ERC2: variants seen among roughly 807,000 people sequenced by gnomAD.
ERC2 encodes ERC protein 2.
A neutral mutation model predicts 114.8 loss-of-function variants in ERC2; 42 were observed. The observed-to-expected ratio is 0.37, with a 90% CI of 0.29 to 0.47. ERC2 has a LOEUF of 0.47. Ranked by LOEUF, ERC2 falls within the 20% of genes least tolerant of loss-of-function variation. The pLI is 0.99. For synonymous variants in ERC2, 454 were observed against 425.5 expected (o/e 1.07, Z -0.82); for missense variants, 939 against 1,150.7 (o/e 0.82, Z 2.66).
intron 3 of ERC2, among the ~76,000 whole-genome samples, chr3:56,177,932 T>C (rs1422915006): frequency 6.6e-6 from 1 of 152,168 alleles, no homozygotes; most frequent in Non-Finnish European, 1.5e-5. Context: ...GGGAAGAAAA[T>C]TGGTGGCATC....
At chr3:56,357,614 T>C (rs767947005) in intron 2 of ERC2, among the ~76,000 whole-genome samples, 1 of 151,886 alleles carries the variant, frequency 6.6e-6, no homozygotes, top group African/African-American at 2.4e-5. Flanking sequence ...GCTTCTGACG[T>C]GGGTCTCACA....
chr3:55,628,302 G>A (rs2059606522), intron 17 of ERC2, among the ~76,000 whole-genome samples: 1 of 152,220 alleles, frequency 6.6e-6, no homozygotes, highest in Non-Finnish European at 1.5e-5. Context: ...AGCTCAGTGT[G>A]GCTGTTGAGC....
chr3:55,874,746 A>G (rs2062744710), intron 14 of ERC2, among the ~76,000 whole-genome samples: 1 of 152,036 alleles, frequency 6.6e-6, no homozygotes, highest in Non-Finnish European at 1.5e-5. Flanking sequence ...GGGTTAATGA[A>G]AGAAATGAGA....
At position 55,699,504 on chromosome 3, in the gene ERC2, G is replaced by T; in HGVS notation, c.2721C>A (p.Asn907Lys). ...AGTTGTCTGCCATCAACTTCATTCT[G>T]TTCTGGGTCTGTGCAGAACAAAAAC... ...LVHQLKQQTQ[N>K]RMKLMADNYD... The change falls in exon 16 of 18, where the codon AAC becomes AAA. Residue 907 changes from asparagine (N) to lysine (K), a missense_variant. This residue lies in a region of ERC2 where 328 missense variants were observed against 353.9 expected (regional missense o/e 0.93). Transcript: ENST00000288221. 1.2e-6 allele frequency: 2 copies of T among 1,611,904 alleles called. No homozygotes were observed. Among genetic ancestry groups the T allele is most frequent in the Non-Finnish European group, 1.7e-6 (2 of 1,178,390 alleles).
At chr3:56,233,984 C>T (rs1421853977) in intron 3 of ERC2, among the ~76,000 whole-genome samples, 4 of 152,176 alleles carry the variant, frequency 2.6e-5, no homozygotes, top group African/African-American at 9.7e-5. Context: ...AATTAAACCA[C>T]ACCCACAAGA....
intron 14 of ERC2, among the ~76,000 whole-genome samples, chr3:55,880,927 T>C (rs1481608175): frequency 6.6e-6 from 1 of 152,086 alleles, no homozygotes; most frequent in East Asian, 1.9e-4. Flanking sequence ...GGGTTAAAAA[T>C]CACTTTCTCA....
At chr3:55,935,515 G>T (rs781280166) in intron 13 of ERC2, among the ~76,000 whole-genome samples, 6 of 152,142 alleles carry the variant, frequency 3.9e-5, no homozygotes, top group Non-Finnish European at 7.4e-5. Flanking sequence ...ACAAACTCTT[G>T]GCTAGTGAGA....
intron 14 of ERC2, among the ~76,000 whole-genome samples, chr3:55,883,907 CA>C (rs2063237519): frequency 6.6e-6 from 1 of 151,732 alleles, no homozygotes; most frequent in African/African-American, 2.4e-5. Context: ...ACAACAACAA[CA>C]ACAACAACAA....
intron 14 of ERC2, among the ~76,000 whole-genome samples, chr3:55,812,400 AAAG>A (rs1361498121): frequency 6.6e-6 from 1 of 152,254 alleles, no homozygotes; most frequent in African/African-American, 2.4e-5. Flanking sequence ...GTGATACTCA[AAAG>A]AATACATAAT....
At chr3:56,199,606 C>T (rs1391469301) in intron 3 of ERC2, among the ~76,000 whole-genome samples, 2 of 152,072 alleles carry the variant, frequency 1.3e-5, no homozygotes, top group Non-Finnish European at 1.5e-5. Flanking sequence ...CTCCTGGGCT[C>T]AAGTGATCCT....
At chr3:55,998,230 CTCTCTCTCTT>C (rs1215037032) in intron 10 of ERC2, among the ~76,000 whole-genome samples, 1 of 151,642 alleles carries the variant, frequency 6.6e-6, no homozygotes, top group Non-Finnish European at 1.5e-5. Flanking sequence ...ATTCTTATGT[CTCTCTCTCTT>C]TCTCTCTCTC....
At chr3:56,160,864 T>C (rs771954437) in intron 4 of ERC2, among the ~76,000 whole-genome samples, 5 of 152,232 alleles carry the variant, frequency 3.3e-5, no homozygotes, top group Non-Finnish European at 7.3e-5. Flanking sequence ...AATACTATGC[T>C]GTTTTGTTTA....
chr3:55,808,723 ATATATATATATATATAT>A (rs2059591271), intron 14 of ERC2, among the ~76,000 whole-genome samples: 2 of 125,436 alleles, frequency 1.6e-5, no homozygotes, highest in Non-Finnish European at 3.2e-5. Context: ...ATATATATAT[ATATATATATATATATAT>A]ATAACGTATA....
At chr3:56,455,267 GA>G (rs200035276) in intron 1 of ERC2, among the ~76,000 whole-genome samples, 7 of 149,718 alleles carry the variant, frequency 4.7e-5, no homozygotes, top group Non-Finnish European at 8.9e-5. Context: ...AAAAAGAAAA[GA>G]AAAAAAAACA....
intron 17 of ERC2, among the ~76,000 whole-genome samples, chr3:55,655,626 C>G (rs374118731): frequency 1.8e-4 from 28 of 152,308 alleles, no homozygotes; most frequent in African/African-American, 5.8e-4. Flanking sequence ...ATTGACATTT[C>G]CAGACTGGAC....
intron 14 of ERC2, among the ~76,000 whole-genome samples, chr3:55,807,651 C>T (rs895161690): frequency 3.3e-5 from 5 of 152,120 alleles, no homozygotes; most frequent in African/African-American, 4.8e-5. Context: ...TTTTCTAATC[C>T]ATCTGCTCGA....
At chr3:55,945,015 C>A (rs1164216080) in intron 13 of ERC2, among the ~76,000 whole-genome samples, 1 of 152,198 alleles carries the variant, frequency 6.6e-6, no homozygotes, top group Non-Finnish European at 1.5e-5. Flanking sequence ...CTTAATGGAA[C>A]TTCCCAATCT....
At chr3:56,026,280 C>T (rs1430286457) in intron 7 of ERC2, among the ~76,000 whole-genome samples, 1 of 151,958 alleles carries the variant, frequency 6.6e-6, no homozygotes, top group Non-Finnish European at 1.5e-5. Flanking sequence ...AAACTCCTGA[C>T]TCCAAGTGAT....
chr3:56,355,591 G>A (rs73090547), intron 2 of ERC2, among the ~76,000 whole-genome samples: 5,198 of 152,102 alleles, frequency 0.034, 194 homozygotes, highest in African/African-American at 0.084. Flanking sequence ...GGATTACAGC[G>A]TGCGCCACGA....
Sources: gnomAD v4.1 joint callset for allele counts (sites outside exome capture counted in the v4.1 genomes callset) on GRCh38, gnomAD v4.1.1 for gene constraint, gnomAD v4.1.1 regional missense constraint, MANE v1.5 for transcripts, NCBI Gene and HGNC (gene_info 2026-07-23, HGNC 2026-07-21) for gene names.